Variants in IRAK1BP1 observed in about 807,000 individuals in gnomAD.
The protein encoded by IRAK1BP1 is interleukin 1 receptor associated kinase 1 binding protein 1, also known as interleukin-1 receptor-associated kinase 1-binding protein 1.
Under a neutral mutation model 28.0 loss-of-function variants are expected in IRAK1BP1, and 24 were observed. That is an observed-to-expected ratio of 0.86 (90% CI 0.62 to 1.20). The LOEUF (loss-of-function observed/expected upper bound fraction) is 1.20, where lower values mean the gene tolerates loss of function less well. Among genes scored for constraint, IRAK1BP1 ranks in the 50% most tolerant of loss-of-function variants. The pLI, the probability that IRAK1BP1 is intolerant of heterozygous loss-of-function variation, is 0.00. For missense variants in IRAK1BP1, 336 were observed against 316.7 expected, an observed-to-expected ratio of 1.06 and a Z score of -0.46; for synonymous variants, 131 against 116.3, an observed-to-expected ratio of 1.13 and a Z score of -0.81.
intron 4 of IRAK1BP1, among the ~76,000 whole-genome samples, chr6:78,911,886 C>T (rs930322067): frequency 1.1e-4 from 17 of 152,060 alleles, no homozygotes; most frequent in African/African-American, 3.4e-4. Context: ...AGACAGGCAC[C>T]CTTATTGTTG....
At chr6:78,965,679 AC>A in the IRAK1BP1 span, 5 of 1,369,342 alleles carry the variant, frequency 3.7e-6, no homozygotes, top group Non-Finnish European at 5.1e-6. Flanking sequence ...TAATGGAGAA[AC>A]AAAAAGCCTA....
At chr6:78,974,889 C>A in the IRAK1BP1 span, among the ~76,000 whole-genome samples, 1 of 151,672 alleles carries the variant, frequency 6.6e-6, no homozygotes, top group Non-Finnish European at 1.5e-5. Flanking sequence ...CAACAGCTTA[C>A]CAACCAAAAA....
intron 4 of IRAK1BP1, chr6:78,935,684 T>C (rs1374568672): frequency 2.1e-5 from 21 of 984,690 alleles, no homozygotes; most frequent in Non-Finnish European, 2.5e-5. Context: ...ATCTTTTAAC[T>C]GACAGTTTTC....
downstream of IRAK1BP1, among the ~76,000 whole-genome samples, chr6:78,949,885 T>C (rs1356809657): frequency 6.6e-6 from 1 of 152,054 alleles, no homozygotes; most frequent in Non-Finnish European, 1.5e-5. Flanking sequence ...GACGGGGTTT[T>C]GCCATATTGC....
chr6:78,870,404 A>G (rs1440110166), intron 1 of IRAK1BP1, among the ~76,000 whole-genome samples: 2 of 152,106 alleles, frequency 1.3e-5, no homozygotes, highest in African/African-American at 4.8e-5. Flanking sequence ...TTTCTCCTCC[A>G]TATTCTAAAC....
At position 78,867,838 on chromosome 6, in the gene IRAK1BP1, G is replaced by A. The variant is rs374362651; in HGVS notation, c.262G>A (p.Val88Ile). 1.5e-5 allele frequency: 24 copies of A among 1,610,722 alleles called. No homozygotes were observed. Among genetic ancestry groups the A allele is most frequent in the Non-Finnish European group, 2.0e-5 (24 of 1,178,504 alleles). The change falls in exon 1 of 4, where the codon GTT (valine) becomes ATT (isoleucine). Residue 88 changes from valine (V) to isoleucine (I), a missense_variant. Physicochemically the swap from Val to Ile is conservative, Grantham distance 29. Coordinates refer to ENST00000369940, the MANE Select transcript of IRAK1BP1 (RefSeq NM_001010844.4). ...KEAAAEAKKS[V>I]CRRLDYITQS... ...GGCGGCAGCCGAGGCCAAAAAGAGC[G>A]TTTGTCGCCGTCTAGATTACATCAC... is the stretch of plus-strand genomic sequence containing the variant.
At chr6:78,938,066 TAAAG>T (rs1182599963) in intron 4 of IRAK1BP1, 1 of 151,712 alleles carries the variant, frequency 6.6e-6, no homozygotes, top group African/African-American at 2.4e-5. Flanking sequence ...TCCCAAGTGG[TAAAG>T]AAAACAAAAA....
chr6:78,958,488 G>A, the IRAK1BP1 span: 1 of 1,529,194 alleles, frequency 6.5e-7, no homozygotes, highest in African/African-American at 1.4e-5. Context: ...ATAAAATGTA[G>A]AAGAAGATCA....
chr6:78,907,635 TAC>T (rs888073545), downstream of IRAK1BP1, among the ~76,000 whole-genome samples: 2 of 152,296 alleles, frequency 1.3e-5, no homozygotes, highest in Middle Eastern at 3.4e-3. Flanking sequence ...TGTTGTTGAA[TAC>T]ACACACACAA....
downstream of IRAK1BP1, among the ~76,000 whole-genome samples, chr6:78,950,602 T>C (rs1774088370): frequency 6.6e-6 from 1 of 152,208 alleles, no homozygotes; most frequent in Non-Finnish European, 1.5e-5. Flanking sequence ...TCATGTAAGT[T>C]ATCAAATTTA....
intron 1 of IRAK1BP1, among the ~76,000 whole-genome samples, chr6:78,875,699 A>G (rs554038655): frequency 2.0e-5 from 3 of 152,258 alleles, no homozygotes; most frequent in South Asian, 2.1e-4. Context: ...GATAAGAACA[A>G]TAAACACTGG....
chr6:78,867,964 GC>G (rs926080574), intron 1 of IRAK1BP1, 73 bp downstream of exon 1: 2 of 1,433,244 alleles, frequency 1.4e-6, no homozygotes, highest in Non-Finnish European at 1.9e-6. Context: ...GGCCCCACAG[GC>G]CCCCCTAGCG....
chr6:78,963,275 T>A, the IRAK1BP1 span: 1 of 1,578,274 alleles, frequency 6.3e-7, no homozygotes. Context: ...AGCAGATCAT[T>A]GCAAATACAT....
chr6:78,919,465 AAGAG>A lies in IRAK1BP1; in HGVS notation c.*67+16359_*67+16362del, dbSNP rs564545962. ...CACGAGGTAGGTTAACAAAGAAAAA[AAGAG>A]AGAAAATCCAAACAAGCACAATTAG... On this transcript the variant is annotated intron_variant and NMD_transcript_variant, in intron 4 of 4. Transcript: ENST00000606868. 6.4e-4 allele frequency among the ~76,000 whole-genome samples: 97 copies of A among 152,310 alleles called. 1 individual carries two copies. The South Asian group carries it at 7.9e-3, about 12-fold the overall frequency.
chr6:78,946,406 C>A, exon 5 of IRAK1BP1: 1 of 1,390,998 alleles, frequency 7.2e-7, no homozygotes, highest in Non-Finnish European at 9.4e-7. Context: ...TGATTGTGAG[C>A]CTTTGAAAGT....
At chr6:78,975,409 C>T in the IRAK1BP1 span, among the ~76,000 whole-genome samples, 1 of 152,142 alleles carries the variant, frequency 6.6e-6, no homozygotes, top group Non-Finnish European at 1.5e-5. Flanking sequence ...AAACCCACAG[C>T]CAATATCATA....
chr6:78,944,307 G>A (rs1214952167), intron 4 of IRAK1BP1, among the ~76,000 whole-genome samples: 2 of 152,142 alleles, frequency 1.3e-5, no homozygotes, highest in African/African-American at 4.8e-5. Context: ...TGAAGGCAAG[G>A]AAGTGTTTTC....
the IRAK1BP1 span, among the ~76,000 whole-genome samples, chr6:78,978,272 T>C: frequency 1.3e-5 from 2 of 151,966 alleles, no homozygotes; most frequent in Non-Finnish European, 2.9e-5. Context: ...ATGTTATACA[T>C]TAAGCCTTAA....
chr6:78,933,583 C>G (rs2127671349), intron 4 of IRAK1BP1, among the ~76,000 whole-genome samples: 1 of 152,200 alleles, frequency 6.6e-6, no homozygotes, highest in East Asian at 1.9e-4. Flanking sequence ...CTTTTGCACT[C>G]CAGCCTGGGC....
Sources: allele counts gnomAD v4.1 joint callset (sites outside exome capture counted in the v4.1 genomes callset), GRCh38; gene constraint gnomAD v4.1.1; transcripts MANE v1.5; gene names NCBI Gene and HGNC (gene_info 2026-07-23, HGNC 2026-07-21).